Variants in SMAP1 observed in about 807,000 individuals in gnomAD.
The protein encoded by SMAP1 is stromal membrane-associated protein 1.
A neutral mutation model predicts 58.5 loss-of-function variants in SMAP1; 24 were observed. That is an observed-to-expected ratio of 0.41 (90% confidence interval 0.30 to 0.58). The LOEUF (loss-of-function observed/expected upper bound fraction) is 0.58. Among genes scored for constraint, SMAP1 ranks in the 20% least tolerant of loss-of-function variants. The probability of loss-of-function intolerance (pLI) is 0.29; values close to 1 mark genes in which losing one functional copy is unlikely to be tolerated. For missense variants in SMAP1, 563 were observed against 566.3 expected (o/e 0.99, Z 0.06); for synonymous variants, 216 against 196.6 (o/e 1.10, Z -0.82).
chr6:70,756,554 C>T (rs1239646314), intron 3 of SMAP1, among the ~76,000 whole-genome samples: 1 of 152,048 alleles, frequency 6.6e-6, no homozygotes, highest in Non-Finnish European at 1.5e-5. Flanking sequence ...TATGAGAGAA[C>T]ATGACCTTTT....
intron 4 of SMAP1, among the ~76,000 whole-genome samples, chr6:70,774,629 A>G (rs1319597314): frequency 6.6e-6 from 1 of 152,216 alleles, no homozygotes; most frequent in Non-Finnish European, 1.5e-5. Context: ...CTGTAATCCC[A>G]GCACTTTGGG....
intron 1 of SMAP1, among the ~76,000 whole-genome samples, chr6:70,711,439 A>G (rs1275977045): frequency 6.6e-6 from 1 of 151,280 alleles, no homozygotes; most frequent in East Asian, 1.9e-4. Flanking sequence ...TCTCTTTCAG[A>G]TCGATCACTA....
intron 2 of SMAP1, among the ~76,000 whole-genome samples, chr6:70,733,649 T>C (rs1019408708): frequency 1.3e-5 from 2 of 152,182 alleles, no homozygotes; most frequent in Non-Finnish European, 2.9e-5. Flanking sequence ...TAGCTGTGAC[T>C]ATAGGCATGC....
intron 8 of SMAP1, among the ~76,000 whole-genome samples, chr6:70,855,015 C>T (rs1771342503): frequency 6.8e-6 from 1 of 146,488 alleles, no homozygotes; most frequent in African/African-American, 2.5e-5. Context: ...CCAGAGTCTT[C>T]ATTGTTGACA....
intron 1 of SMAP1, among the ~76,000 whole-genome samples, chr6:70,714,559 G>A (rs766783932): frequency 3.3e-5 from 5 of 151,832 alleles, no homozygotes; most frequent in African/African-American, 7.3e-5. Context: ...AGATAATTTC[G>A]TTAGAGTTGT....
chr6:70,811,434 C>T (rs1355008950), intron 6 of SMAP1, among the ~76,000 whole-genome samples: 2 of 152,088 alleles, frequency 1.3e-5, no homozygotes, highest in Non-Finnish European at 2.9e-5. Context: ...ATCCATGAAA[C>T]TGGGTCTCGA....
In SMAP1 at chr6:70,723,877, C is replaced by T. The variant is rs189174620; in HGVS notation, c.119-8501C>T. Among the ~76,000 whole-genome samples the T allele has an allele frequency of 2.0e-5, 3 of 151,872 alleles. No individual in the cohort carries two copies. In the East Asian group the frequency reaches 5.8e-4, roughly 29 times the overall value. On this transcript the variant is annotated intron_variant, in intron 1 of 10. Transcript: ENST00000370455. ...GGTGCTGTCTTTCTGAGTAGGGGAG[C>T]TTTAAAATAACTTATTTTAGAACTT...
chr6:70,859,211 A>G (rs1004094040), intron 10 of SMAP1: 8 of 623,944 alleles, frequency 1.3e-5, no homozygotes, highest in Admixed American at 3.3e-5. Context: ...CCCGCTGGGA[A>G]TCTAAAAAAT....
rs1765273788 is a variant in SMAP1, at chr6:70,728,354, TCTAGGTAAA to T, written c.119-4023_119-4015del. Among the ~76,000 whole-genome samples, 5 of 152,328 alleles carry T rather than the reference TCTAGGTAAA, an allele frequency of 3.3e-5. No individual in the cohort carries two copies. The South Asian group carries it at 1.0e-3, about 32-fold the overall frequency. On this transcript the variant is annotated intron_variant, in intron 1 of 10. Coordinates refer to ENST00000370455, the MANE Select transcript of SMAP1 (RefSeq NM_001044305.3). ...GTCTTCCTATCAGGACAGCCACATT[TCTAGGTAAA>T]ATTCAGAAGCCTTTATTACTTAAAG...
chr6:70,681,027 C>T (rs1193837232), intron 1 of SMAP1, among the ~76,000 whole-genome samples: 4 of 151,372 alleles, frequency 2.6e-5, no homozygotes, highest in East Asian at 1.9e-4. Context: ...CATAATTACA[C>T]GGATTTCTAT....
chr6:70,699,257 GTC>G (rs1373470136), intron 1 of SMAP1, among the ~76,000 whole-genome samples: 1 of 152,142 alleles, frequency 6.6e-6, no homozygotes, highest in Non-Finnish European at 1.5e-5. Flanking sequence ...AACAAATGGA[GTC>G]TCTCTCTCTG....
At chr6:70,681,646 A>G (rs187283987) in intron 1 of SMAP1, among the ~76,000 whole-genome samples, 1 of 152,284 alleles carries the variant, frequency 6.6e-6, no homozygotes, top group East Asian at 1.9e-4. Flanking sequence ...AAAGAATGAA[A>G]AACCTTTGGT....
At chr6:70,768,424 C>T (rs1190985454) in intron 3 of SMAP1, among the ~76,000 whole-genome samples, 1 of 152,166 alleles carries the variant, frequency 6.6e-6, no homozygotes, top group African/African-American at 2.4e-5. Context: ...GCCACAATTT[C>T]AGCTCCTGTT....
At chr6:70,836,850 A>G in intron 6 of SMAP1, 91 bp from the exon 7 acceptor site, 1 of 1,037,342 alleles carries the variant, frequency 9.6e-7, no homozygotes, top group South Asian at 2.0e-5. Flanking sequence ...TTTTTACACT[A>G]ACTTTATCAG....
At chr6:70,714,704 T>TA (rs1768192616) in intron 1 of SMAP1, among the ~76,000 whole-genome samples, 1 of 151,822 alleles carries the variant, frequency 6.6e-6, no homozygotes, top group Non-Finnish European at 1.5e-5. Flanking sequence ...TTTTTTGGTA[T>TA]AAAAAACAAA....
intron 1 of SMAP1, among the ~76,000 whole-genome samples, chr6:70,716,951 A>G (rs1460432693): frequency 1.3e-5 from 2 of 152,152 alleles, no homozygotes; most frequent in African/African-American, 2.4e-5. Context: ...TGCATTAGAT[A>G]AGACTACTGC....
chr6:70,835,537 ACT>A, intron 6 of SMAP1, among the ~76,000 whole-genome samples: 1 of 152,038 alleles, frequency 6.6e-6, no homozygotes, highest in East Asian at 1.9e-4. Context: ...ATGGGGTCTT[ACT>A]CTGTTGCCCA....
rs1241619390 is a variant in SMAP1 at position 70,856,948 on chromosome 6, A to C, written c.879A>C (p.Glu293Asp). ...TCACTGAGCAAACTACAAAATCAGA[A>C]GAAGTGGCAAAGAAACAACTTTCCA... ...DLFTEQTTKS[E>D]EVAKKQLSKD... Residue 293 changes from glutamate to aspartate, a missense_variant, in exon 9 of 11, where the codon GAA (glutamate) becomes GAC (aspartate). Physicochemically the swap from Glu to Asp is conservative, Grantham distance 45. This residue lies in a region of SMAP1 where 494 missense variants were observed against 473.8 expected (regional missense o/e 1.04). Transcript: ENST00000370455. 3.1e-6 allele frequency: 5 copies of C among 1,614,004 alleles called. No individual in the cohort carries two copies. The South Asian group carries it at 4.4e-5, about 14-fold the overall frequency.
Position 70,805,311 on chromosome 6 carries a change from A to G in SMAP1, c.576+6574A>G, listed in dbSNP as rs894645258. Among the ~76,000 whole-genome samples, 12 of 152,114 alleles carry G rather than the reference A, an allele frequency of 7.9e-5. No individual in the cohort carries two copies. The East Asian group carries it at 1.3e-3, about 17-fold the overall frequency. On this transcript the variant is annotated intron_variant, in intron 6 of 10. Coordinates refer to ENST00000370455, the MANE Select transcript of SMAP1 (RefSeq NM_001044305.3). ...TCAAATCAGCTATTGAAGCTTGTGC[A>G]TGCGTCACAAAGTTCTCGTGCCATG...
Sources: allele counts gnomAD v4.1 joint callset (sites outside exome capture counted in the v4.1 genomes callset), GRCh38; gene constraint gnomAD v4.1.1; regional missense constraint gnomAD v4.1.1; transcripts MANE v1.5; gene names NCBI Gene and HGNC (gene_info 2026-07-23, HGNC 2026-07-21).